Variants in SRD5A2 observed in about 807,000 individuals in gnomAD.
The protein encoded by SRD5A2 is steroid 5 alpha-reductase 2.
In SRD5A2, 30 loss-of-function variants were observed where a neutral mutation model predicts 27.4. That is an observed-to-expected ratio of 1.10 (90% CI 0.82 to 1.49). SRD5A2 has a LOEUF of 1.49. Among genes scored for constraint, SRD5A2 ranks in the 40% most tolerant of loss-of-function variants. The pLI is 0.00. For synonymous variants in SRD5A2, 141 were observed against 133.6 expected, an observed-to-expected ratio of 1.06 and a Z score of -0.38; for missense variants, 348 against 323.4, an observed-to-expected ratio of 1.08 and a Z score of -0.58.
the SRD5A2 span, among the ~76,000 whole-genome samples, chr2:31,593,887 T>G: frequency 6.6e-6 from 1 of 152,206 alleles, no homozygotes. Flanking sequence ...TGGGGTCCTA[T>G]CTTTAGCCTC....
At chr2:31,603,641 C>T in the SRD5A2 span, among the ~76,000 whole-genome samples, 1 of 151,884 alleles carries the variant, frequency 6.6e-6, no homozygotes, top group Non-Finnish European at 1.5e-5. Context: ...ATGGAATCAA[C>T]CTAAATACTC....
At chr2:31,573,547 T>C (rs904324646) in intron 1 of SRD5A2, among the ~76,000 whole-genome samples, 12 of 152,160 alleles carry the variant, frequency 7.9e-5, no homozygotes, top group African/African-American at 2.7e-4. Context: ...CAAAATTCAA[T>C]AAGTAGACAA....
the SRD5A2 span, among the ~76,000 whole-genome samples, chr2:31,592,244 A>G: frequency 2.0e-5 from 3 of 152,020 alleles, no homozygotes; most frequent in African/African-American, 7.3e-5. Flanking sequence ...AGGCCATCCA[A>G]CTCAAGCCAT....
chr2:31,588,200 T>A, the SRD5A2 span, among the ~76,000 whole-genome samples: 1 of 152,166 alleles, frequency 6.6e-6, no homozygotes, highest in Non-Finnish European at 1.5e-5. Flanking sequence ...GGAAAGTTTA[T>A]TCAAAGGGCT....
At chr2:31,595,236 A>T in the SRD5A2 span, among the ~76,000 whole-genome samples, 6 of 152,326 alleles carry the variant, frequency 3.9e-5, no homozygotes, top group South Asian at 1.2e-3. Flanking sequence ...TGAAAGAAAA[A>T]ATCAATACAA....
chr2:31,575,266 T>G lies in SRD5A2; in HGVS notation c.281+5354A>C, dbSNP rs143223427. ...ATAGTTGAGACATCTGCACCTCTCGTGAAATAAGAGAAGCATTGGCAGGGG... is the reference window on the plus strand; with the variant it reads ...ATAGTTGAGACATCTGCACCTCTCGGGAAATAAGAGAAGCATTGGCAGGGG... On this transcript the variant is annotated intron_variant, in intron 1 of 4. Coordinates refer to ENST00000622030, the MANE Select transcript of SRD5A2 (RefSeq NM_000348.4). Among the ~76,000 whole-genome samples the G allele has an allele frequency of 6.6e-3, 1,005 of 152,304 alleles. 8 individuals are homozygous for G. The highest frequency in any genetic ancestry group is 0.012 in the Admixed American group (185 of 15,304).
At chr2:31,580,461 G>A (rs1012013692) in intron 1 of SRD5A2, among the ~76,000 whole-genome samples, 159 bp downstream of exon 1, 1 of 152,096 alleles carries the variant, frequency 6.6e-6, no homozygotes, top group African/African-American at 2.4e-5. Flanking sequence ...CCCCGGCCCC[G>A]GCCCCCGCCA....
At chr2:31,548,840 A>G (rs1200714719) in intron 1 of SRD5A2, among the ~76,000 whole-genome samples, 4 of 152,170 alleles carry the variant, frequency 2.6e-5, no homozygotes, top group Non-Finnish European at 4.4e-5. Flanking sequence ...TCAAGTGTCT[A>G]TTGACAGATG....
chr2:31,601,899 A>C, the SRD5A2 span, among the ~76,000 whole-genome samples: 1 of 151,986 alleles, frequency 6.6e-6, no homozygotes, highest in Non-Finnish European at 1.5e-5. Flanking sequence ...GTATTGAAGG[A>C]ACATACCTCA....
At chr2:31,616,523 G>A in the SRD5A2 span, among the ~76,000 whole-genome samples, 95,849 of 152,034 alleles carry the variant, frequency 0.63, 30,448 homozygotes, top group Middle Eastern at 0.66. Context: ...AAAGAAGATC[G>A]TTTCAGAGCT....
intron 1 of SRD5A2, among the ~76,000 whole-genome samples, chr2:31,545,451 G>C (rs557889207): frequency 6.6e-6 from 1 of 152,064 alleles, no homozygotes; most frequent in Non-Finnish European, 1.5e-5. Context: ...GTAATCCATA[G>C]CGTTGTCAGG....
the SRD5A2 span, among the ~76,000 whole-genome samples, chr2:31,603,599 T>C: frequency 1.2e-4 from 18 of 152,124 alleles, no homozygotes; most frequent in Admixed American, 1.2e-3. Flanking sequence ...CATGTGTATG[T>C]ACATTGCAGC....
chr2:31,642,607 GA>G, the SRD5A2 span, among the ~76,000 whole-genome samples: 1 of 151,996 alleles, frequency 6.6e-6, no homozygotes, highest in South Asian at 2.1e-4. Flanking sequence ...CAAAAATGTT[GA>G]CAGTTTTATA....
chr2:31,581,166 G>C (rs1026518922), upstream of SRD5A2: 28 of 504,148 alleles, frequency 5.6e-5, no homozygotes, highest in Non-Finnish European at 3.5e-6. Flanking sequence ...TTCACCTCCC[G>C]CTTAGGCTGT....
intron 1 of SRD5A2, among the ~76,000 whole-genome samples, chr2:31,566,906 G>T (rs1666740369): frequency 6.6e-6 from 1 of 152,046 alleles, no homozygotes. Flanking sequence ...TAAATTATCA[G>T]CTATTTACAT....
At chr2:31,615,971 G>A in the SRD5A2 span, among the ~76,000 whole-genome samples, 3 of 152,138 alleles carry the variant, frequency 2.0e-5, no homozygotes, top group Non-Finnish European at 4.4e-5. Flanking sequence ...ACCAAGCCTT[G>A]GCAGCTTCCA....
In SRD5A2 at chr2:31,580,602, G is replaced by T. The variant is rs368886184; in HGVS notation, c.281+18C>A. The T allele has an allele frequency of 6.6e-7, 1 of 1,516,640 alleles. No homozygotes were observed. The highest frequency in any genetic ancestry group is 1.3e-5 in the South Asian group (1 of 79,748). The allele number at this position is 1,516,640 out of a possible 1,614,324, so 93.9% of individuals were successfully genotyped here. A position where few individuals can be genotyped will look rare whatever the true frequency, so the allele number is the denominator to read the frequency against. On this transcript the variant is annotated intron_variant, in intron 1 of 4. Coordinates refer to ENST00000622030, the MANE Select transcript of SRD5A2 (RefSeq NM_000348.4). ...GGGCAGTGCGCTGCACTGGGCGCCC[G>T]CAAGGGAAAAACGCTACCTGTGGAA...
rs1481325829 is a variant in SRD5A2 at position 31,531,305 on chromosome 2, C to T, written c.547+66G>A. The T allele has an allele frequency of 1.7e-5, 21 of 1,204,256 alleles. No homozygotes were observed. The South Asian group carries it at 2.7e-4, about 15-fold the overall frequency. 74.6% of individuals were successfully genotyped at this position (1,204,256 alleles called of 1,614,324 possible). On this transcript the variant is annotated intron_variant, in intron 3 of 4. Transcript: ENST00000622030. ...CTCACTGTCCCCTCTCCATCTGCTACCATAGCATCATCCCTGGGACAGGCT... is the reference window on the plus strand; with the variant it reads ...CTCACTGTCCCCTCTCCATCTGCTATCATAGCATCATCCCTGGGACAGGCT...
the SRD5A2 span, among the ~76,000 whole-genome samples, chr2:31,659,719 G>A: frequency 6.6e-6 from 1 of 152,206 alleles, no homozygotes; most frequent in Non-Finnish European, 1.5e-5. Flanking sequence ...CACATTCATG[G>A]ATAGGAAGAA....
Sources: allele counts gnomAD v4.1 joint callset (sites outside exome capture counted in the v4.1 genomes callset), GRCh38; gene constraint gnomAD v4.1.1; transcripts MANE v1.5; gene names NCBI Gene and HGNC (gene_info 2026-07-23, HGNC 2026-07-21).